TXNL4B: variants seen among roughly 807,000 people sequenced by gnomAD.
TXNL4B encodes the protein thioredoxin-like protein 4B.
In TXNL4B, 12 loss-of-function variants were observed where a neutral mutation model predicts 13.0. The ratio of observed to expected loss-of-function variants is 0.92; its 90% CI spans 0.59 to 1.49. The LOEUF is 1.49. Among genes scored for constraint, TXNL4B ranks in the 40% most tolerant of loss-of-function variants. The pLI is 0.00. For synonymous variants in TXNL4B, 59 were observed against 58.9 expected (o/e 1.00, Z -0.01); for missense variants, 214 against 173.6 (o/e 1.23, Z -1.31).
At position 72,093,595 on chromosome 16, in the gene TXNL4B, G is replaced by A. The variant is rs1030349959; in HGVS notation, c.-266C>T. ...AAAAGAAACTCCTGGCCGTCGGTCGGCCCCCGCTCAACAGCCCAATAAACG... is the reference window on the plus strand; with the variant it reads ...AAAAGAAACTCCTGGCCGTCGGTCGACCCCCGCTCAACAGCCCAATAAACG... On this transcript the variant is annotated 5_prime_UTR_variant, in exon 1 of 4. Transcript: ENST00000268483. 4 of 152,282 alleles carry A rather than the reference G, an allele frequency of 2.6e-5. No individual in the cohort carries two copies. The highest frequency in any genetic ancestry group is 9.6e-5 in the African/African-American group (4 of 41,452). 9.4% of individuals were successfully genotyped at this position (152,282 alleles called of 1,614,324 possible).
upstream of TXNL4B, chr16:72,093,819 T>C (rs2041961914): frequency 6.6e-6 from 1 of 152,374 alleles, no homozygotes; most frequent in African/African-American, 2.4e-5. Context: ...AGAGGAGGCC[T>C]TGAGAGCCTG....
chr16:72,090,276 T>C, intron 2 of TXNL4B: 1 of 423,904 alleles, frequency 2.4e-6, no homozygotes, highest in South Asian at 1.8e-5. Context: ...ACCTCTCTGG[T>C]TTTTTTTTTC....
rs761192941 is a variant in TXNL4B, at chr16:72,089,099, T to C, written c.172A>G (p.Ile58Val). The change falls in exon 3 of 4, where the codon ATA (isoleucine) becomes GTA (valine). Residue 58 changes from isoleucine (I) to valine (V), a missense_variant. Ile to Val is a conservative substitution (Grantham distance 29, BLOSUM62 3). Coordinates refer to ENST00000268483, the MANE Select transcript of TXNL4B (RefSeq NM_017853.3). ...GTTTGGTCCACATCTACCAGGTATA[T>C]AGCAGCCATTTTACTTAAGTCAGAA... ...TSSDLSKMAA[I>V]YLVDVDQTAV... 1.9e-6 allele frequency: 3 copies of C among 1,612,968 alleles called. No homozygotes were observed. The highest frequency in any genetic ancestry group is 2.2e-5 in the South Asian group (2 of 91,026).
chr16:72,088,136 G>C (rs1396299224), intron 3 of TXNL4B, among the ~76,000 whole-genome samples: 1 of 152,048 alleles, frequency 6.6e-6, no homozygotes, highest in Non-Finnish European at 1.5e-5. Flanking sequence ...GCTAATTTTT[G>C]TATTTTTAGT....
rs1337260335 is a variant in TXNL4B, at chr16:72,090,778, C to T, written c.-29G>A. On this transcript the variant is annotated 5_prime_UTR_variant, in exon 2 of 4. The change creates a new upstream start codon in the 5' untranslated region. Coordinates refer to ENST00000268483, the MANE Select transcript of TXNL4B (RefSeq NM_017853.3). Reference sequence around the variant, plus strand: ...GAAATAACCCAAATGTGAATCCTCACTGTCACTCCTGAAATAAAGGTGCAA... The same window carrying T: ...GAAATAACCCAAATGTGAATCCTCATTGTCACTCCTGAAATAAAGGTGCAA... 2.1e-5 allele frequency: 34 copies of T among 1,613,308 alleles called. No homozygotes were observed. Among genetic ancestry groups the T allele is most frequent in the Non-Finnish European group, 2.6e-5 (31 of 1,179,676 alleles).
chr16:72,092,489 A>G (rs535626605), intron 1 of TXNL4B, among the ~76,000 whole-genome samples: 1 of 152,340 alleles, frequency 6.6e-6, no homozygotes, highest in East Asian at 1.9e-4. Context: ...TATAGGTCAT[A>G]CTTTAAACAG....
intron 2 of TXNL4B, chr16:72,090,049 T>C: frequency 2.2e-6 from 1 of 455,548 alleles, no homozygotes; most frequent in Non-Finnish European, 4.4e-6. Flanking sequence ...ACACCCTCAT[T>C]GTAACCACGG....
intron 2 of TXNL4B, chr16:72,090,110 T>C (rs970502490): frequency 1.1e-5 from 5 of 455,908 alleles, no homozygotes; most frequent in East Asian, 6.9e-5. Context: ...GCAGTAGAAA[T>C]GGCGGTAAGA....
At chr16:72,093,220 G>C (rs1452153916) in intron 1 of TXNL4B, 147 bp downstream of exon 1, 1 of 152,228 alleles carries the variant, frequency 6.6e-6, no homozygotes, top group African/African-American at 2.4e-5. Flanking sequence ...GGAAATCAGT[G>C]GTCATCTCTG....
chr16:72,089,224 T>G, intron 2 of TXNL4B, 86 bp from the exon 3 acceptor site: 2 of 1,278,404 alleles, frequency 1.6e-6, no homozygotes, highest in Non-Finnish European at 2.2e-6. Flanking sequence ...AACAGAGTGT[T>G]TTGTTTGAAA....
rs1411808062 is a variant in TXNL4B, at chr16:72,085,044, CAG to C, written c.*1591_*1592del. The C allele has an allele frequency of 7.5e-6, 3 of 398,394 alleles. No homozygotes were observed. The highest frequency in any genetic ancestry group is 1.3e-5 in the Non-Finnish European group (3 of 226,062). 24.7% of individuals were successfully genotyped at this position (398,394 alleles called of 1,614,324 possible). On this transcript the variant is annotated 3_prime_UTR_variant, in exon 4 of 4. Transcript: ENST00000268483. The stretch of plus-strand genomic sequence containing the variant: ...GTAGCTCCATGCATCATGATTAAAC[CAG>C]AGACAGGAAGTGTACGATGGAAGAG...
At chr16:72,090,928 T>C (rs1567598332) in intron 1 of TXNL4B, 142 bp from the exon 2 acceptor site, 1 of 688,324 alleles carries the variant, frequency 1.5e-6, no homozygotes, top group Non-Finnish European at 2.3e-6. Context: ...GGAGTTTCCC[T>C]CTCTTTGTCC....
chr16:72,086,482 G>A lies in TXNL4B; in HGVS notation c.*155C>T. ...CCCAGGTCATCAGAGAACCAGTGGGGTCTTTTCCTCAGGGGCCGGGTTTTC... is the reference window on the plus strand; with the variant it reads ...CCCAGGTCATCAGAGAACCAGTGGGATCTTTTCCTCAGGGGCCGGGTTTTC... On this transcript the variant is annotated 3_prime_UTR_variant, in exon 4 of 4. Coordinates refer to ENST00000268483, the MANE Select transcript of TXNL4B (RefSeq NM_017853.3). 1.7e-6 allele frequency: 1 copy of A among 578,696 alleles called. No individual in the cohort carries two copies. The highest frequency in any genetic ancestry group is 2.9e-6 in the Non-Finnish European group (1 of 344,684). 35.8% of individuals were successfully genotyped at this position (578,696 alleles called of 1,614,324 possible).
At chr16:72,089,570 A>C (rs2041872296) in intron 2 of TXNL4B, among the ~76,000 whole-genome samples, 1 of 152,222 alleles carries the variant, frequency 6.6e-6, no homozygotes, top group African/African-American at 2.4e-5. Context: ...AACTGTGTGA[A>C]TCTATTTCTT....
chr16:72,087,978 C>A (rs2041848174), intron 3 of TXNL4B, among the ~76,000 whole-genome samples: 2 of 152,192 alleles, frequency 1.3e-5, no homozygotes. Context: ...CGCCACCACG[C>A]CCAGCTAATT....
At chr16:72,093,239 C>G (rs1407208260) in intron 1 of TXNL4B, 128 bp downstream of exon 1, 1 of 152,270 alleles carries the variant, frequency 6.6e-6, no homozygotes, top group Non-Finnish European at 1.5e-5. Flanking sequence ...TGCGTGTGAA[C>G]GCATGGGTGA....
chr16:72,091,602 G>A (rs2041905753), intron 1 of TXNL4B, among the ~76,000 whole-genome samples: 1 of 152,200 alleles, frequency 6.6e-6, no homozygotes, highest in Admixed American at 6.5e-5. Context: ...TCTCTATATA[G>A]AGAACATCCA....
intron 3 of TXNL4B, among the ~76,000 whole-genome samples, chr16:72,088,607 T>C (rs914138371): frequency 2.0e-5 from 3 of 152,260 alleles, no homozygotes; most frequent in African/African-American, 7.2e-5. Context: ...AAAAACTACA[T>C]GTTTTGTTTC....
chr16:72,088,099 G>A (rs916754080), intron 3 of TXNL4B, among the ~76,000 whole-genome samples: 1 of 152,144 alleles, frequency 6.6e-6, no homozygotes, highest in Non-Finnish European at 1.5e-5. Context: ...GATTACACGC[G>A]TGAGCCACTG....
Sources: gnomAD v4.1 joint callset for allele counts (sites outside exome capture counted in the v4.1 genomes callset) on GRCh38, gnomAD v4.1.1 for gene constraint, MANE v1.5 for transcripts, NCBI Gene and HGNC (gene_info 2026-07-23, HGNC 2026-07-21) for gene names.